Variants in NOD2 observed in about 807,000 individuals in gnomAD.
NOD2 encodes the protein nucleotide-binding oligomerization domain-containing protein 2.
NOD2 carries 86 observed loss-of-function variants against 90.9 expected under a neutral mutation model. The ratio of observed to expected loss-of-function variants is 0.95; its 90% CI spans 0.79 to 1.13. NOD2 has a LOEUF of 1.13. Ranked by LOEUF, NOD2 falls within the 50% of genes most tolerant of loss-of-function variation. The pLI, the probability that NOD2 is intolerant of heterozygous loss-of-function variation, is 0.00. For synonymous variants in NOD2, 581 were observed against 554.6 expected, an observed-to-expected ratio of 1.05 and a Z score of -0.67; for missense variants, 1,238 against 1,283.8, an observed-to-expected ratio of 0.96 and a Z score of 0.55.
Position 50,719,948 on chromosome 16 carries a change from C to T in NOD2, c.2573C>T (p.Ala858Val). 6.2e-7 allele frequency: 1 copy of T among 1,614,192 alleles called. No individual in the cohort carries two copies. The highest frequency in any genetic ancestry group is 1.6e-4 in the Middle Eastern group (1 of 6,062). ...ALRLGNNYITAAGAQVLAEGL... is the reference protein window; with the variant it reads ...ALRLGNNYITVAGAQVLAEGL... ...AGGCTGGGGAATAACTACATCACTG[C>T]CGCGGGAGCCCAAGTGCTGGCCGAG... Residue 858 changes from alanine (A) to valine (V), a missense_variant, in exon 7 of 12, where the codon GCC becomes GTC. Around this residue, in one of 3 missense-constraint regions of NOD2, gnomAD observed 667 missense variants for 688.7 expected, o/e 0.97. Coordinates refer to ENST00000647318, the MANE Select transcript of NOD2 (RefSeq NM_001370466.1).
intron 8 of NOD2, 23 bp downstream of exon 8, chr16:50,722,728 C>T (rs903200921): frequency 3.1e-6 from 5 of 1,609,878 alleles, no homozygotes; most frequent in Non-Finnish European, 4.3e-6. Flanking sequence ...GTCTATCCTG[C>T]AGTTTTCTTG....
At chr16:50,721,047 C>T (rs918211724) in intron 7 of NOD2, among the ~76,000 whole-genome samples, 59 of 151,766 alleles carry the variant, frequency 3.9e-4, no homozygotes, top group Middle Eastern at 6.9e-3. Flanking sequence ...TCAGATGATC[C>T]GCCCGCCTCG....
At chr16:50,694,877 G>A (rs1382754762) in intron 1 of NOD2, among the ~76,000 whole-genome samples, 1 of 152,162 alleles carries the variant, frequency 6.6e-6, no homozygotes, top group African/African-American at 2.4e-5. Flanking sequence ...GTAGCAGGTG[G>A]CGGGAAGTAC....
chr16:50,712,630 C>T lies in NOD2; in HGVS notation c.2381+257C>T. 5.3e-6 allele frequency: 3 copies of T among 568,210 alleles called. No homozygotes were observed. The East Asian group carries it at 9.0e-5, about 17-fold the overall frequency. The allele number at this position is 568,210 out of a possible 1,614,324, so 35.2% of individuals were successfully genotyped here. On this transcript the variant is annotated intron_variant, in intron 4 of 11. Coordinates refer to ENST00000647318, the MANE Select transcript of NOD2 (RefSeq NM_001370466.1). Reference sequence around the variant, plus strand: ...GACCTCATCTAATCTCTACAACCACCCTGGCGGGTAGGCAGGAATGTTATT... The same window carrying T: ...GACCTCATCTAATCTCTACAACCACTCTGGCGGGTAGGCAGGAATGTTATT...
At chr16:50,717,568 T>C (rs1964856789) in intron 6 of NOD2, among the ~76,000 whole-genome samples, 1 of 152,248 alleles carries the variant, frequency 6.6e-6, no homozygotes, top group Non-Finnish European at 1.5e-5. Context: ...TCCTGTGATT[T>C]GTGAGGCAGT....
chr16:50,709,220 A>G (rs1245117825), intron 3 of NOD2, among the ~76,000 whole-genome samples: 5 of 152,356 alleles, frequency 3.3e-5, no homozygotes, highest in East Asian at 1.9e-4. Flanking sequence ...AAGCTCAGCA[A>G]TAATCATCAA....
At chr16:50,715,167 C>A (rs900506512) in intron 4 of NOD2, among the ~76,000 whole-genome samples, 2 of 152,192 alleles carry the variant, frequency 1.3e-5, no homozygotes, top group Admixed American at 1.3e-4. Flanking sequence ...AGGCTCAAAG[C>A]CTTTATGTGC....
intron 2 of NOD2, among the ~76,000 whole-genome samples, chr16:50,704,544 T>TC (rs941516549): frequency 5.3e-5 from 8 of 152,096 alleles, no homozygotes; most frequent in African/African-American, 1.9e-4. Flanking sequence ...TTTTTTTTTT[T>TC]TCTTTTTGAG....
intron 7 of NOD2, among the ~76,000 whole-genome samples, chr16:50,721,103 C>T (rs1965036381): frequency 1.3e-5 from 2 of 152,066 alleles, no homozygotes; most frequent in Non-Finnish European, 2.9e-5. Flanking sequence ...CCGCACCCGG[C>T]CCCCAAGCTC....
At chr16:50,712,806 T>C (rs1373831043) in intron 4 of NOD2, 2 of 226,872 alleles carry the variant, frequency 8.8e-6, no homozygotes, top group Non-Finnish European at 1.8e-5. Flanking sequence ...CCTGAAAACC[T>C]TGAGGTCACT....
chr16:50,703,394 C>A (rs1964026659), intron 2 of NOD2, among the ~76,000 whole-genome samples: 2 of 152,132 alleles, frequency 1.3e-5, no homozygotes, highest in South Asian at 4.1e-4. Context: ...AATCCCAGTA[C>A]TTTGGGAGGC....
intron 8 of NOD2, 90 bp from the exon 9 acceptor site, chr16:50,723,211 A>G: frequency 2.1e-6 from 2 of 965,106 alleles, no homozygotes; most frequent in Non-Finnish European, 3.3e-6. Flanking sequence ...GCAGACCAGG[A>G]GAGCACCACG....
intron 5 of NOD2, 86 bp from the exon 6 acceptor site, chr16:50,716,805 C>G (rs1964819626): frequency 2.0e-6 from 3 of 1,493,942 alleles, no homozygotes; most frequent in Non-Finnish European, 2.8e-6. Flanking sequence ...TGATTCCTGC[C>G]CAGAGGGGAA....
chr16:50,722,156 C>T (rs181629522), intron 7 of NOD2, among the ~76,000 whole-genome samples: 3 of 152,022 alleles, frequency 2.0e-5, no homozygotes, highest in East Asian at 1.9e-4. Flanking sequence ...AAGCTGATGG[C>T]GTGAAGGAAT....
rs766637609 is a variant in NOD2 at position 50,712,129 on chromosome 16, A to T, written c.2137A>T (p.Ile713Phe). ...AKSVHAMPGF[I>F]WLIRSLYEMQ... The stretch of plus-strand genomic sequence containing the variant: ...GAGCGTGCATGCCATGCCCGGGTTC[A>T]TCTGGCTCATCCGGAGCCTGTACGA... The change falls in exon 4 of 12, where the codon ATC (isoleucine) becomes TTC (phenylalanine). Residue 713 changes from isoleucine to phenylalanine, a missense_variant. Ile to Phe is a conservative substitution (Grantham distance 21, BLOSUM62 0). Coordinates refer to ENST00000647318, the MANE Select transcript of NOD2 (RefSeq NM_001370466.1). 1.9e-6 allele frequency: 3 copies of T among 1,614,086 alleles called. No individual in the cohort carries two copies. In the Admixed American group the frequency reaches 5.0e-5, roughly 27 times the overall value.
At position 50,722,526 on chromosome 16, in the gene NOD2, G is replaced by C. The variant is rs977647039; in HGVS notation, c.2634-96G>C. On this transcript the variant is annotated intron_variant, in intron 7 of 11. Coordinates refer to ENST00000647318, the MANE Select transcript of NOD2 (RefSeq NM_001370466.1). ...GGGATTGAGTGGTCCTGCCCCTCTG[G>C]CTGGGACTGCAGAGGGAGGAGGACT... The C allele has an allele frequency of 3.3e-6, 4 of 1,200,970 alleles. No homozygotes were observed. The African/African-American group carries it at 6.0e-5, about 18-fold the overall frequency. 74.4% of individuals were successfully genotyped at this position (1,200,970 alleles called of 1,614,324 possible). A position where few individuals can be genotyped will look rare whatever the true frequency, so the allele number is the denominator to read the frequency against.
At chr16:50,723,877 A>ACTGCTGCTG (rs912535842) in intron 9 of NOD2, among the ~76,000 whole-genome samples, 47 of 152,060 alleles carry the variant, frequency 3.1e-4, no homozygotes, top group African/African-American at 1.1e-3. Context: ...TACTACTATT[A>ACTGCTGCTG]CTGCTGCTGC....
intron 2 of NOD2, among the ~76,000 whole-genome samples, chr16:50,700,420 G>A (rs1180977760): frequency 6.6e-6 from 1 of 152,136 alleles, no homozygotes; most frequent in Admixed American, 6.6e-5. Context: ...CACTTTGCCT[G>A]GCCAACAGAA....
chr16:50,704,544 T>G (rs910014958), intron 2 of NOD2, among the ~76,000 whole-genome samples: 1 of 151,978 alleles, frequency 6.6e-6, no homozygotes, highest in Non-Finnish European at 1.5e-5. Context: ...TTTTTTTTTT[T>G]TCTTTTTGAG....
Sources: gnomAD v4.1 joint callset for allele counts (sites outside exome capture counted in the v4.1 genomes callset) on GRCh38, gnomAD v4.1.1 for gene constraint, gnomAD v4.1.1 regional missense constraint, MANE v1.5 for transcripts, NCBI Gene and HGNC (gene_info 2026-07-23, HGNC 2026-07-21) for gene names.